FHIP1A: variants seen among roughly 807,000 people sequenced by gnomAD.
The protein encoded by FHIP1A is FHF complex subunit HOOK interacting protein 1A, also known as FHF complex subunit HOOK-interacting protein 1A.
A neutral mutation model predicts 88.6 loss-of-function variants in FHIP1A; 61 were observed. The observed-to-expected ratio is 0.69, with a 90% CI of 0.56 to 0.85. The LOEUF is 0.85. Among genes scored for constraint, FHIP1A ranks in the 40% least tolerant of loss-of-function variants. The pLI, the probability that FHIP1A is intolerant of heterozygous loss-of-function variation, is 0.00. For missense variants in FHIP1A, 1,154 were observed against 1,273.5 expected, an observed-to-expected ratio of 0.91 and a Z score of 1.43; for synonymous variants, 478 against 496.0, an observed-to-expected ratio of 0.96 and a Z score of 0.48.
At chr4:151,412,617 TC>T (rs1561484134) in intron 1 of FHIP1A, among the ~76,000 whole-genome samples, 139 of 116,242 alleles carry the variant, frequency 1.2e-3, no homozygotes, top group African/African-American at 3.3e-3. Flanking sequence ...CCTTCCTCCC[TC>T]CCTCCCTCCC....
At position 151,669,127 on chromosome 4, in the gene FHIP1A, T is replaced by C. The variant is rs1488077261; in HGVS notation, c.*6373T>C. Reference sequence around the variant, plus strand: ...CCATCTTTGCGAATTTCTTGGGGTGTTAATGTAAACATATCTTTAGAATAT... The same window carrying C: ...CCATCTTTGCGAATTTCTTGGGGTGCTAATGTAAACATATCTTTAGAATAT... On this transcript the variant is annotated 3_prime_UTR_variant, in exon 14 of 14. Coordinates refer to ENST00000435205, the MANE Select transcript of FHIP1A (RefSeq NM_001109977.3). Among the ~76,000 whole-genome samples the C allele has an allele frequency of 6.6e-6, 1 of 152,260 alleles. No homozygotes were observed. Among genetic ancestry groups the C allele is most frequent in the Non-Finnish European group, 1.5e-5 (1 of 68,048 alleles).
At chr4:151,482,391 G>T (rs1027781586) in intron 2 of FHIP1A, 133 bp from the exon 3 acceptor site, 6 of 151,862 alleles carry the variant, frequency 4.0e-5, no homozygotes, top group African/African-American at 1.5e-4. Context: ...TTTTTTTATG[G>T]TGAAGACAAA....
At chr4:151,449,674 C>T (rs1561500096) in intron 1 of FHIP1A, among the ~76,000 whole-genome samples, 1 of 151,982 alleles carries the variant, frequency 6.6e-6, no homozygotes, top group Non-Finnish European at 1.5e-5. Context: ...CAACTTTTCC[C>T]CATCCTCCCC....
chr4:151,559,339 C>T (rs1368547494), intron 3 of FHIP1A, among the ~76,000 whole-genome samples: 1 of 152,128 alleles, frequency 6.6e-6, no homozygotes, highest in Non-Finnish European at 1.5e-5. Flanking sequence ...CTAAGTAGTA[C>T]ATAAATATGG....
intron 7 of FHIP1A, among the ~76,000 whole-genome samples, chr4:151,610,444 G>T (rs559832250): frequency 6.6e-6 from 1 of 152,180 alleles, no homozygotes; most frequent in Non-Finnish European, 1.5e-5. Flanking sequence ...ATTGCCAGGA[G>T]GAAACAGGTA....
At chr4:151,560,379 A>G (rs1268107480) in intron 3 of FHIP1A, among the ~76,000 whole-genome samples, 1 of 151,966 alleles carries the variant, frequency 6.6e-6, no homozygotes, top group Non-Finnish European at 1.5e-5. Context: ...AAAGGTACCT[A>G]CTCTTCCAGA....
At chr4:151,608,920 G>A (rs1003477903) in intron 7 of FHIP1A, among the ~76,000 whole-genome samples, 1 of 152,140 alleles carries the variant, frequency 6.6e-6, no homozygotes, top group Non-Finnish European at 1.5e-5. Flanking sequence ...GAGATTGTTG[G>A]GTTCTTAAAT....
chr4:151,536,089 A>T (rs1051329164), intron 3 of FHIP1A, among the ~76,000 whole-genome samples: 3 of 152,214 alleles, frequency 2.0e-5, no homozygotes, highest in African/African-American at 7.2e-5. Context: ...GTCTGAGTTC[A>T]CACTTGAGAA....
At chr4:151,431,687 A>G (rs1733599243) in intron 1 of FHIP1A, among the ~76,000 whole-genome samples, 1 of 152,224 alleles carries the variant, frequency 6.6e-6, no homozygotes, top group Admixed American at 6.5e-5. Context: ...AGTTAATGAG[A>G]ATTAATACTT....
intron 7 of FHIP1A, among the ~76,000 whole-genome samples, chr4:151,621,984 A>G (rs1735764198): frequency 6.6e-6 from 1 of 152,152 alleles, no homozygotes; most frequent in Non-Finnish European, 1.5e-5. Context: ...GCTGTTGGAA[A>G]TCCAGTGTTT....
intron 2 of FHIP1A, among the ~76,000 whole-genome samples, chr4:151,460,331 C>G (rs1218573476): frequency 6.6e-6 from 1 of 152,114 alleles, no homozygotes; most frequent in African/African-American, 2.4e-5. Flanking sequence ...TGAAGTGTTT[C>G]AGAGCACAAC....
At chr4:151,559,607 C>G (rs1733093646) in intron 3 of FHIP1A, among the ~76,000 whole-genome samples, 1 of 152,158 alleles carries the variant, frequency 6.6e-6, no homozygotes, top group African/African-American at 2.4e-5. Flanking sequence ...AGAGCTGTAT[C>G]TTTTTTATAA....
intron 3 of FHIP1A, among the ~76,000 whole-genome samples, chr4:151,541,105 C>CT (rs1560757268): frequency 6.6e-6 from 1 of 152,142 alleles, no homozygotes; most frequent in East Asian, 1.9e-4. Flanking sequence ...CCATTAAGGA[C>CT]TTTTTTTAAG....
chr4:151,522,553 A>AT (rs1731485035), intron 3 of FHIP1A, among the ~76,000 whole-genome samples: 1 of 152,168 alleles, frequency 6.6e-6, no homozygotes. Flanking sequence ...CCTACTGTGA[A>AT]TTCCCTTCAG....
At chr4:151,490,878 C>T (rs761836014) in intron 3 of FHIP1A, among the ~76,000 whole-genome samples, 1 of 151,842 alleles carries the variant, frequency 6.6e-6, no homozygotes, top group East Asian at 1.9e-4. Flanking sequence ...GCAGTAGAAT[C>T]GAACAAGTAG....
intron 10 of FHIP1A, 71 bp downstream of exon 10, chr4:151,646,819 CT>C (rs1320895111): frequency 1.9e-6 from 2 of 1,051,604 alleles, no homozygotes; most frequent in Non-Finnish European, 2.8e-6. Flanking sequence ...ATATGTGTCC[CT>C]TTGGGTAGAC....
intron 11 of FHIP1A, among the ~76,000 whole-genome samples, chr4:151,650,970 G>A (rs976498052): frequency 6.6e-6 from 1 of 152,004 alleles, no homozygotes; most frequent in Non-Finnish European, 1.5e-5. Flanking sequence ...ACAAATGACT[G>A]TCTCCCCCAG....
chr4:151,536,234 T>C (rs1580680594), intron 3 of FHIP1A, among the ~76,000 whole-genome samples: 3 of 152,268 alleles, frequency 2.0e-5, no homozygotes, highest in Admixed American at 6.5e-5. Flanking sequence ...TTTACAAAAC[T>C]ATGGCATAAT....
chr4:151,605,642 G>A (rs1323287762), intron 7 of FHIP1A, among the ~76,000 whole-genome samples: 6 of 152,148 alleles, frequency 3.9e-5, no homozygotes, highest in Admixed American at 6.5e-5. Context: ...TTCCTTAAAG[G>A]CATGTGTGCT....
Sources: allele counts gnomAD v4.1 joint callset (sites outside exome capture counted in the v4.1 genomes callset), GRCh38; gene constraint gnomAD v4.1.1; transcripts MANE v1.5; gene names NCBI Gene and HGNC (gene_info 2026-07-23, HGNC 2026-07-21).